SERPINB10: variants seen among roughly 807,000 people sequenced by gnomAD.
The protein encoded by SERPINB10 is serpin B10.
Under a neutral mutation model 39.1 loss-of-function variants are expected in SERPINB10, and 35 were observed. The ratio of observed to expected loss-of-function variants is 0.90; its 90% CI spans 0.68 to 1.19. The LOEUF is 1.19. SERPINB10 is among the 50% of genes most tolerant of loss of function. The pLI is 0.00. For synonymous variants in SERPINB10, 190 were observed against 158.1 expected (o/e 1.20, Z -1.52); for missense variants, 546 against 460.5 (o/e 1.19, Z -1.70).
At chr18:63,928,939 A>G (rs893595926) in intron 5 of SERPINB10, among the ~76,000 whole-genome samples, 7 of 152,070 alleles carry the variant, frequency 4.6e-5, no homozygotes, top group Non-Finnish European at 1.5e-5. Flanking sequence ...AGGAGATTTC[A>G]ATTTCGGTGG....
chr18:63,930,582 A>T (rs761841908), intron 6 of SERPINB10, among the ~76,000 whole-genome samples: 6 of 152,088 alleles, frequency 3.9e-5, no homozygotes, highest in African/African-American at 7.2e-5. Context: ...CCAAATTCTT[A>T]CCCTTACATA....
Position 63,915,526 on chromosome 18 carries a change from A to T in SERPINB10, c.16A>T (p.Thr6Ser). 1 of 1,611,836 alleles carries T rather than the reference A, an allele frequency of 6.2e-7. No homozygotes were observed. The highest frequency in any genetic ancestry group is 1.3e-5 in the African/African-American group (1 of 74,854). Reference protein sequence around the residue: MDSLATSINQFALELS... With the variant: MDSLASSINQFALELS... ...GGTTTCCTCAATGGACTCTCTAGCAACATCAATCAACCAGTTTGCCCTGGA... is the reference window on the plus strand; with the variant it reads ...GGTTTCCTCAATGGACTCTCTAGCATCATCAATCAACCAGTTTGCCCTGGA... The change falls in exon 2 of 8, where the codon ACA (threonine) becomes TCA (serine). Residue 6 changes from threonine to serine, a missense_variant. Thr to Ser is a moderately conservative substitution (Grantham distance 58). Transcript: ENST00000238508.
intron 5 of SERPINB10, among the ~76,000 whole-genome samples, chr18:63,926,713 T>C (rs2050184313): frequency 6.6e-6 from 1 of 151,936 alleles, no homozygotes; most frequent in African/African-American, 2.4e-5. Context: ...TACAACTAAA[T>C]GCAATGCAAG....
intron 1 of SERPINB10, among the ~76,000 whole-genome samples, chr18:63,908,987 A>T (rs981969960): frequency 2.0e-5 from 3 of 152,046 alleles, no homozygotes; most frequent in Admixed American, 6.6e-5. Flanking sequence ...TCTGCTGTGC[A>T]TCCTTTGCTC....
intron 5 of SERPINB10, among the ~76,000 whole-genome samples, chr18:63,923,743 C>T (rs2050161870): frequency 6.6e-6 from 1 of 151,750 alleles, no homozygotes; most frequent in African/African-American, 2.4e-5. Flanking sequence ...TCCCTTCTTG[C>T]CTTCAGTACT....
chr18:63,909,593 A>T (rs930664966), intron 1 of SERPINB10, among the ~76,000 whole-genome samples: 4 of 152,028 alleles, frequency 2.6e-5, no homozygotes, highest in African/African-American at 9.7e-5. Context: ...ATAGAGAATT[A>T]TTGTTTTCAG....
At chr18:63,909,586 G>C (rs562107370) in intron 1 of SERPINB10, among the ~76,000 whole-genome samples, 2 of 152,038 alleles carry the variant, frequency 1.3e-5, no homozygotes, top group South Asian at 2.1e-4. Flanking sequence ...TTTTATAATA[G>C]AGAATTATTG....
At chr18:63,922,801 T>G (rs2050155474) in intron 5 of SERPINB10, among the ~76,000 whole-genome samples, 1 of 151,994 alleles carries the variant, frequency 6.6e-6, no homozygotes, top group Admixed American at 6.6e-5. Context: ...GAGTAGCTTC[T>G]ATTCCCATGT....
At position 63,935,052 on chromosome 18, in the gene SERPINB10, A is replaced by G. The variant is rs781715301; in HGVS notation, c.1004A>G (p.Asn335Ser). 3 of 1,614,132 alleles carry G rather than the reference A, an allele frequency of 1.9e-6. No homozygotes were observed. In the South Asian group the frequency reaches 3.3e-5, roughly 18 times the overall value. Reference sequence around the variant, plus strand: ...TCAGCAAGAAACCTATTTTTGTCCAATGTTTTCCATAAGGCTTTTGTGGAA... The same window carrying G: ...TCAGCAAGAAACCTATTTTTGTCCAGTGTTTTCCATAAGGCTTTTGTGGAA... ...MSSARNLFLS[N>S]VFHKAFVEIN... The change falls in exon 8 of 8, where the codon AAT (asparagine) becomes AGT (serine). Residue 335 changes from asparagine (N) to serine (S), a missense_variant. Transcript: ENST00000238508.
intron 5 of SERPINB10, among the ~76,000 whole-genome samples, chr18:63,929,706 A>G (rs2050205672): frequency 7.7e-6 from 1 of 130,632 alleles, no homozygotes; most frequent in Admixed American, 7.7e-5. Context: ...ATCTTTAGCT[A>G]AAGTGCAAAA....
chr18:63,933,352 G>A (rs2050238258), intron 7 of SERPINB10, 149 bp downstream of exon 7: 1 of 790,904 alleles, frequency 1.3e-6, no homozygotes, highest in Non-Finnish European at 2.1e-6. Flanking sequence ...AATGTACCTT[G>A]AGTTCTAGGC....
At chr18:63,909,915 T>C (rs1054986017) in intron 1 of SERPINB10, among the ~76,000 whole-genome samples, 3 of 152,016 alleles carry the variant, frequency 2.0e-5, no homozygotes, top group Non-Finnish European at 4.4e-5. Flanking sequence ...AGTGTAGAAT[T>C]ACTACAGATC....
At chr18:63,923,486 G>A (rs933342089) in intron 5 of SERPINB10, among the ~76,000 whole-genome samples, 11 of 151,866 alleles carry the variant, frequency 7.2e-5, no homozygotes, top group Admixed American at 6.6e-4. Context: ...TTAGATAGTA[G>A]CATCCAGCAT....
chr18:63,912,505 T>A (rs766233353), intron 1 of SERPINB10, among the ~76,000 whole-genome samples: 13 of 152,078 alleles, frequency 8.5e-5, no homozygotes, highest in Admixed American at 2.6e-4. Flanking sequence ...GGATATTGGA[T>A]TTTATTGAAA....
At chr18:63,924,499 A>G (rs2050167299) in intron 5 of SERPINB10, among the ~76,000 whole-genome samples, 1 of 152,020 alleles carries the variant, frequency 6.6e-6, no homozygotes, top group Non-Finnish European at 1.5e-5. Flanking sequence ...CTGATTACTA[A>G]GCCTAACTCC....
chr18:63,918,469 GA>G (rs1239607597), intron 4 of SERPINB10, among the ~76,000 whole-genome samples: 2 of 151,960 alleles, frequency 1.3e-5, no homozygotes, highest in Non-Finnish European at 2.9e-5. Flanking sequence ...CATGAAACAT[GA>G]AATAATATCA....
At chr18:63,930,331 A>G in intron 6 of SERPINB10, 144 bp downstream of exon 6, 2 of 857,436 alleles carry the variant, frequency 2.3e-6, no homozygotes, top group East Asian at 2.6e-5. Flanking sequence ...AAAAGCCTTC[A>G]GTTCCATGGG....
intron 5 of SERPINB10, among the ~76,000 whole-genome samples, chr18:63,927,976 G>A (rs969311099): frequency 6.6e-6 from 1 of 151,940 alleles, no homozygotes; most frequent in Non-Finnish European, 1.5e-5. Context: ...TTTACTTGAA[G>A]GTTGAAAAGA....
chr18:63,913,307 C>G (rs1452327574), intron 1 of SERPINB10, among the ~76,000 whole-genome samples: 2 of 151,448 alleles, frequency 1.3e-5, no homozygotes, highest in Non-Finnish European at 3.0e-5. Context: ...ATGTTTTTTT[C>G]TTTTGGAAGT....
Sources: allele counts gnomAD v4.1 joint callset (sites outside exome capture counted in the v4.1 genomes callset), GRCh38; gene constraint gnomAD v4.1.1; transcripts MANE v1.5; gene names NCBI Gene and HGNC (gene_info 2026-07-23, HGNC 2026-07-21).